The following MAPK8 variants were observed in gnomAD, a reference collection of about 807,000 sequenced individuals.
The protein encoded by MAPK8 is JUN N-terminal kinase.
In MAPK8, 13 loss-of-function variants were observed where a neutral mutation model predicts 52.9. The ratio of observed to expected loss-of-function variants is 0.25; its 90% CI spans 0.16 to 0.39. MAPK8 has a LOEUF of 0.39. MAPK8 is among the 10% of genes least tolerant of loss of function. The pLI is 1.00. For missense variants in MAPK8, 300 were observed against 519.2 expected (o/e 0.58, Z 4.10); for synonymous variants, 191 against 169.8 (o/e 1.12, Z -0.97).
At chr10:48,375,033 A>G (rs2040565498) in intron 1 of MAPK8, among the ~76,000 whole-genome samples, 1 of 152,044 alleles carries the variant, frequency 6.6e-6, no homozygotes. Flanking sequence ...CAAAAAGCTT[A>G]TCCACCATGA....
chr10:48,402,877 T>A (rs1197053601), intron 2 of MAPK8, among the ~76,000 whole-genome samples: 5 of 152,306 alleles, frequency 3.3e-5, no homozygotes, highest in African/African-American at 1.2e-4. Context: ...ACAGTCATGC[T>A]GTGAAATACT....
intron 1 of MAPK8, among the ~76,000 whole-genome samples, chr10:48,357,213 A>G (rs1406188379): frequency 6.6e-6 from 1 of 152,214 alleles, no homozygotes; most frequent in Non-Finnish European, 1.5e-5. Context: ...TTTTACAAGT[A>G]TTCTTTAATC....
Position 48,415,032 on chromosome 10 carries a change from T to TCA in MAPK8, c.450+4864_450+4865insCA, listed in dbSNP as rs547940076. ...GTCTTAGGGCTATTGGGGCTTTTTT[T>TCA]TTAAGTGAACAATCCTGCTACAGGC... On this transcript the variant is annotated intron_variant, in intron 5 of 11. Coordinates refer to ENST00000374189, the MANE Select transcript of MAPK8 (RefSeq NM_001323329.2). Among the ~76,000 whole-genome samples the TCA allele has an allele frequency of 3.5e-3, 530 of 152,336 alleles. 5 individuals carry two copies. The highest frequency in any genetic ancestry group is 0.012 in the African/African-American group (517 of 41,576).
At chr10:48,407,736 AAAAG>A (rs2042547224) in intron 3 of MAPK8, among the ~76,000 whole-genome samples, 2 of 152,184 alleles carry the variant, frequency 1.3e-5, no homozygotes, top group African/African-American at 2.4e-5. Flanking sequence ...ACCTCAGGAT[AAAAG>A]AAAGAAATCT....
At chr10:48,400,644 T>C (rs2042112651) in intron 1 of MAPK8, among the ~76,000 whole-genome samples, 1 of 152,234 alleles carries the variant, frequency 6.6e-6, no homozygotes, top group African/African-American at 2.4e-5. Flanking sequence ...ATTAATTCTT[T>C]GTATTGTAAG....
intron 1 of MAPK8, among the ~76,000 whole-genome samples, chr10:48,386,840 AC>A (rs1231605244): frequency 2.6e-5 from 4 of 152,204 alleles, no homozygotes; most frequent in Non-Finnish European, 5.9e-5. Context: ...ACATGTACTT[AC>A]TTTACTGCCA....
Position 48,311,453 on chromosome 10 carries a change from A to G in MAPK8, c.-50+4632A>G, listed in dbSNP as rs146649589. Among the ~76,000 whole-genome samples, 453 of 152,342 alleles carry G rather than the reference A, an allele frequency of 3.0e-3. 1 individual carries two copies. The highest frequency in any genetic ancestry group is 9.9e-3 in the African/African-American group (413 of 41,574). On this transcript the variant is annotated intron_variant, in intron 1 of 11. Transcript: ENST00000374189. Reference sequence around the variant, plus strand: ...TCCAGAAGCAAATATTGAAGGGAACATATTTGCCACTTTCACGATTTTTTG... The same window carrying G: ...TCCAGAAGCAAATATTGAAGGGAACGTATTTGCCACTTTCACGATTTTTTG...
At chr10:48,373,125 C>T (rs2040426346) in intron 1 of MAPK8, among the ~76,000 whole-genome samples, 2 of 152,096 alleles carry the variant, frequency 1.3e-5, no homozygotes. Flanking sequence ...AATTTCATAT[C>T]CAGCCAAACT....
intron 1 of MAPK8, among the ~76,000 whole-genome samples, chr10:48,367,464 C>CCAAAACT: frequency 6.6e-6 from 1 of 151,626 alleles, no homozygotes; most frequent in Admixed American, 6.6e-5. Context: ...ATGTCATTAA[C>CCAAAACT]CAAAACTAAG....
intron 1 of MAPK8, among the ~76,000 whole-genome samples, chr10:48,356,878 A>AAAAAAAC (rs1847014471): frequency 9.6e-6 from 1 of 103,902 alleles, no homozygotes; most frequent in African/African-American, 3.5e-5. Flanking sequence ...AAAAAAAAAA[A>AAAAAAAC]AATCCAACTA....
chr10:48,393,711 G>A (rs1396223484), intron 1 of MAPK8, among the ~76,000 whole-genome samples: 1 of 152,028 alleles, frequency 6.6e-6, no homozygotes, highest in Non-Finnish European at 1.5e-5. Flanking sequence ...AGCTTGCAAT[G>A]ATGCTTAAAT....
chr10:48,392,811 A>G (rs1162574402), intron 1 of MAPK8, among the ~76,000 whole-genome samples: 1 of 152,092 alleles, frequency 6.6e-6, no homozygotes, highest in African/African-American at 2.4e-5. Flanking sequence ...TATCTATTTC[A>G]TCTTTGGTCT....
At chr10:48,378,737 T>TTA (rs906388649) in intron 1 of MAPK8, among the ~76,000 whole-genome samples, 7 of 151,626 alleles carry the variant, frequency 4.6e-5, no homozygotes, top group South Asian at 2.1e-4. Context: ...AAATACATAA[T>TTA]TATATATATA....
At chr10:48,369,472 G>A (rs192575250) in intron 1 of MAPK8, among the ~76,000 whole-genome samples, 3 of 152,278 alleles carry the variant, frequency 2.0e-5, no homozygotes, top group Admixed American at 6.5e-5. Flanking sequence ...TGCAGAGTTT[G>A]AGATAGCCTC....
At chr10:48,350,818 A>C (rs965044099) in intron 1 of MAPK8, among the ~76,000 whole-genome samples, 2 of 152,254 alleles carry the variant, frequency 1.3e-5, no homozygotes, top group African/African-American at 4.8e-5. Context: ...GAAGATAGGA[A>C]GTCAAATTGT....
intron 1 of MAPK8, among the ~76,000 whole-genome samples, chr10:48,331,239 C>T (rs1246379186): frequency 6.6e-6 from 1 of 152,132 alleles, no homozygotes; most frequent in Non-Finnish European, 1.5e-5. Context: ...TTTCCAAATT[C>T]CCACAAGGTA....
rs536856707 is a variant in MAPK8, at chr10:48,359,648, C to A, written c.-49-41964C>A. ...TTTGAATACTTTCTATGTGACAGAA[C>A]ACCATTGCAGATCACTAAGGAAAGG... On this transcript the variant is annotated intron_variant, in intron 1 of 11. Transcript: ENST00000374189. 4.0e-4 allele frequency among the ~76,000 whole-genome samples: 61 copies of A among 152,272 alleles called. No homozygotes were observed. In the South Asian group the frequency reaches 0.012, roughly 31 times the overall value.
intron 1 of MAPK8, among the ~76,000 whole-genome samples, chr10:48,351,710 A>C (rs979668833): frequency 4.6e-5 from 7 of 152,176 alleles, no homozygotes; most frequent in African/African-American, 1.4e-4. Flanking sequence ...AACTGACACA[A>C]AAAAAAGAAG....
At chr10:48,307,281 C>T (rs959045362) in intron 1 of MAPK8, 5 of 152,280 alleles carry the variant, frequency 3.3e-5, no homozygotes, top group African/African-American at 1.2e-4. Context: ...CAAGCCTGCC[C>T]CGCGCCCATA....
Sources: allele counts gnomAD v4.1 joint callset (sites outside exome capture counted in the v4.1 genomes callset), GRCh38; gene constraint gnomAD v4.1.1; transcripts MANE v1.5; gene names NCBI Gene and HGNC (gene_info 2026-07-23, HGNC 2026-07-21).